The following PPP3CB variants were observed in gnomAD, a reference collection of about 807,000 sequenced individuals.
The protein encoded by PPP3CB is protein phosphatase 3 catalytic subunit beta, also known as serine/threonine-protein phosphatase 2B catalytic subunit beta isoform.
A neutral mutation model predicts 66.4 loss-of-function variants in PPP3CB; 8 were observed. The observed-to-expected ratio is 0.12, with a 90% CI of 0.07 to 0.22. The LOEUF (loss-of-function observed/expected upper bound fraction) is 0.22. Ranked by LOEUF, PPP3CB falls within the 10% of genes least tolerant of loss-of-function variation. The pLI is 1.00. For synonymous variants in PPP3CB, 208 were observed against 221.2 expected (o/e 0.94, Z 0.53); for missense variants, 319 against 642.5 (o/e 0.50, Z 5.44).
At chr10:73,480,844 C>T (rs1290774359) in intron 1 of PPP3CB, among the ~76,000 whole-genome samples, 2 of 152,066 alleles carry the variant, frequency 1.3e-5, no homozygotes, top group African/African-American at 4.8e-5. Flanking sequence ...AAGAAATCAC[C>T]AACTGTACTG....
At chr10:73,483,878 T>A (rs765636389) in intron 1 of PPP3CB, among the ~76,000 whole-genome samples, 14 of 151,906 alleles carry the variant, frequency 9.2e-5, no homozygotes, top group Non-Finnish European at 1.8e-4. Context: ...GTGCGGTGGT[T>A]CATGTCTGCA....
chr10:73,452,287 A>G (rs1325791640), intron 10 of PPP3CB, among the ~76,000 whole-genome samples: 1 of 152,210 alleles, frequency 6.6e-6, no homozygotes, highest in East Asian at 1.9e-4. Flanking sequence ...ACTGAGACTC[A>G]GAAAGGTTAA....
At chr10:73,476,267 C>T (rs1165708684) in intron 3 of PPP3CB, among the ~76,000 whole-genome samples, 1 of 152,090 alleles carries the variant, frequency 6.6e-6, no homozygotes, top group Non-Finnish European at 1.5e-5. Flanking sequence ...AATCTGTTCT[C>T]GATGCTTATT....
At chr10:73,483,347 T>C (rs2056914903) in intron 1 of PPP3CB, among the ~76,000 whole-genome samples, 1 of 152,088 alleles carries the variant, frequency 6.6e-6, no homozygotes, top group South Asian at 2.1e-4. Context: ...AAAATAAAAA[T>C]AGGCAGTTTC....
At chr10:73,487,149 G>C (rs753719671) in intron 1 of PPP3CB, among the ~76,000 whole-genome samples, 1 of 151,658 alleles carries the variant, frequency 6.6e-6, no homozygotes, top group African/African-American at 2.4e-5. Flanking sequence ...CCGCCTGGGC[G>C]AGAGTGAGAC....
Position 73,438,050 on chromosome 10 carries a change from C to A in PPP3CB, c.*192G>T. 2 of 531,976 alleles carry A rather than the reference C, an allele frequency of 3.8e-6. No homozygotes were observed. The highest frequency in any genetic ancestry group is 6.3e-6 in the Non-Finnish European group (2 of 316,640). 33.0% of individuals were successfully genotyped at this position (531,976 alleles called of 1,614,324 possible). ...TGCTCTCCACCTTGGCAGCGATGAC[C>A]CAATCTTATCAGATAGCACATGTCC... On this transcript the variant is annotated 3_prime_UTR_variant, in exon 14 of 14. Coordinates refer to ENST00000360663, the MANE Select transcript of PPP3CB (RefSeq NM_021132.4).
At position 73,438,245 on chromosome 10, in the gene PPP3CB, C is replaced by T. The variant is rs1564544906; in HGVS notation, c.1572G>A (p.Gln524=). 1.9e-6 allele frequency: 3 copies of T among 1,612,582 alleles called. No individual in the cohort carries two copies. The highest frequency in any genetic ancestry group is 1.3e-5 in the African/African-American group (1 of 74,944). Residue 524 remains glutamine, a synonymous_variant, in exon 14 of 14, where the codon CAG becomes CAA. Transcript: ENST00000360663. ...ENHGTGNHTA[Q] is the part of the protein sequence containing the mutation. ...AGAGTCCCTGGGAAGTAGTGGGTCA[C>T]TGGGCAGTATGGTTGCCCGTCCCGT...
At chr10:73,457,808 A>C (rs1307330826) in intron 9 of PPP3CB, among the ~76,000 whole-genome samples, 1 of 152,134 alleles carries the variant, frequency 6.6e-6, no homozygotes, top group Non-Finnish European at 1.5e-5. Context: ...TAAATCATAT[A>C]CGTAAGGGAC....
intron 1 of PPP3CB, among the ~76,000 whole-genome samples, chr10:73,483,635 A>G (rs545870447): frequency 6.6e-6 from 1 of 152,204 alleles, no homozygotes; most frequent in South Asian, 2.1e-4. Flanking sequence ...CCAGCCTGGG[A>G]GACAGAGCAA....
At chr10:73,444,441 AAAT>A in intron 12 of PPP3CB, 1 of 834,626 alleles carries the variant, frequency 1.2e-6, no homozygotes, top group Non-Finnish European at 1.8e-6. Context: ...ATGAATAAAT[AAAT>A]ATTTCAGACA....
At chr10:73,454,592 G>A in intron 9 of PPP3CB, 103 bp from the exon 10 acceptor site, 1 of 667,738 alleles carries the variant, frequency 1.5e-6, no homozygotes, top group Non-Finnish European at 2.5e-6. Context: ...TTTAGCCCAA[G>A]AAAGCAAACA....
chr10:73,470,116 G>A (rs529491070), intron 8 of PPP3CB, among the ~76,000 whole-genome samples: 71 of 152,108 alleles, frequency 4.7e-4, no homozygotes, highest in South Asian at 2.9e-3. Context: ...TCTCTGGAAC[G>A]GAAGGCAAAG....
rs747323968 is a variant in PPP3CB at position 73,471,603 on chromosome 10, C to T, written c.534G>A (p.Lys178=). The T allele has an allele frequency of 6.3e-6, 10 of 1,589,744 alleles. No individual in the cohort carries two copies. The highest frequency in any genetic ancestry group is 6.8e-6 in the Non-Finnish European group (8 of 1,171,684). ...YFTFKQECKI[K]YSERVYEACM... is the part of the protein sequence containing the mutation. ...AAGCTTCATAGACTCTTTCCGAATACTTAATTTTACCTAGAAAAACAAAAA... is the reference window on the plus strand; with the variant it reads ...AAGCTTCATAGACTCTTTCCGAATATTTAATTTTACCTAGAAAAACAAAAA... Residue 178 remains lysine (K), a synonymous_variant, in exon 5 of 14, where the codon AAG becomes AAA. Transcript: ENST00000360663.
At chr10:73,479,230 C>T (rs2056836440) in intron 2 of PPP3CB, 87 bp downstream of exon 2, 3 of 1,159,300 alleles carry the variant, frequency 2.6e-6, no homozygotes. Context: ...ATTTAGCATA[C>T]AGTATCATTG....
intron 1 of PPP3CB, among the ~76,000 whole-genome samples, chr10:73,485,950 G>GTGTGTGTGTGTGTGTGTTTA (rs58404946): frequency 2.4e-5 from 3 of 124,638 alleles, no homozygotes; most frequent in Admixed American, 8.6e-5. Flanking sequence ...GTGTGTGTGT[G>GTGTGTGTGTGTGTGTGTTTA]TATTTTTTTT....
chr10:73,457,260 G>GA (rs35129439), intron 9 of PPP3CB, among the ~76,000 whole-genome samples: 1,541 of 69,056 alleles, frequency 0.022, 97 homozygotes, highest in African/African-American at 0.028. Flanking sequence ...CTCTAAAAAA[G>GA]AAAAAAAAAA....
chr10:73,467,820 A>G lies in PPP3CB; in HGVS notation c.983-142T>C, dbSNP rs2056642786. The G allele has an allele frequency of 9.0e-6, 6 of 667,042 alleles. No homozygotes were observed. In the South Asian group the frequency reaches 1.4e-4, roughly 15 times the overall value. 41.3% of individuals were successfully genotyped at this position (667,042 alleles called of 1,614,324 possible). On this transcript the variant is annotated intron_variant, in intron 8 of 13. Transcript: ENST00000360663. ...GAGTGGAATCAGGGCTGGTAGAGGG[A>G]GGAAGGAACTAATTTTTAATAATAA...
intron 1 of PPP3CB, among the ~76,000 whole-genome samples, chr10:73,483,605 C>T (rs558327342): frequency 1.3e-5 from 2 of 151,868 alleles, no homozygotes; most frequent in African/African-American, 2.4e-5. Flanking sequence ...TGCAGTGGGC[C>T]GAGATCATGC....
At chr10:73,471,433 T>C (rs776026535) in intron 5 of PPP3CB, 35 bp downstream of exon 5, 8 of 1,567,592 alleles carry the variant, frequency 5.1e-6, no homozygotes, top group Middle Eastern at 1.8e-4. Context: ...GTACTATAAA[T>C]AGAAATCAAT....
Sources: gnomAD v4.1 joint callset for allele counts (sites outside exome capture counted in the v4.1 genomes callset) on GRCh38, gnomAD v4.1.1 for gene constraint, MANE v1.5 for transcripts, NCBI Gene and HGNC (gene_info 2026-07-23, HGNC 2026-07-21) for gene names.